The following PDE1C variants were observed in gnomAD, a reference collection of about 807,000 sequenced individuals.
PDE1C encodes the protein dual specificity calcium/calmodulin-dependent 3',5'-cyclic nucleotide phosphodiesterase 1C.
PDE1C carries 62 observed loss-of-function variants against 93.1 expected under a neutral mutation model. That is an observed-to-expected ratio of 0.67 (90% CI 0.54 to 0.82). PDE1C has a LOEUF of 0.82. Ranked by LOEUF, PDE1C falls within the 40% of genes least tolerant of loss-of-function variation. The probability of loss-of-function intolerance (pLI) is 0.00; values close to 1 mark genes in which losing one functional copy is unlikely to be tolerated. For missense variants in PDE1C, 742 were observed against 884.6 expected (o/e 0.84, Z 2.04); for synonymous variants, 325 against 310.1 (o/e 1.05, Z -0.50).
intron 3 of PDE1C, among the ~76,000 whole-genome samples, chr7:32,128,192 AT>A (rs1268618671): frequency 6.6e-6 from 1 of 151,714 alleles, no homozygotes; most frequent in African/African-American, 2.4e-5. Flanking sequence ...TGCCTATTGT[AT>A]GTAAGACACC....
intron 1 of PDE1C, among the ~76,000 whole-genome samples, chr7:32,367,261 A>G (rs1167449131): frequency 6.6e-6 from 1 of 152,214 alleles, no homozygotes; most frequent in African/African-American, 2.4e-5. Flanking sequence ...TAAAGCCAAT[A>G]CAGAAAGGAG....
the PDE1C span, among the ~76,000 whole-genome samples, chr7:31,622,188 C>G: frequency 3.8e-4 from 51 of 134,764 alleles, 1 homozygote; most frequent in East Asian, 0.011. Context: ...CAACATTAGA[C>G]AGATCAACGA....
intron 1 of PDE1C, among the ~76,000 whole-genome samples, chr7:32,238,247 A>C (rs1321603083): frequency 6.6e-6 from 1 of 152,236 alleles, no homozygotes; most frequent in Non-Finnish European, 1.5e-5. Context: ...CATCTTCTAC[A>C]ATGGCAATAC....
At chr7:32,146,192 C>T (rs1018088987) in intron 3 of PDE1C, among the ~76,000 whole-genome samples, 22 of 152,180 alleles carry the variant, frequency 1.4e-4, no homozygotes, top group African/African-American at 5.3e-4. Context: ...CTGTTAACAG[C>T]ACTCTCTCCA....
rs560014306 is a variant in PDE1C at position 32,296,406 on chromosome 7, T to C, written c.85+2245A>G. Among the ~76,000 whole-genome samples, 14 of 152,368 alleles carry C rather than the reference T, an allele frequency of 9.2e-5. No individual in the cohort carries two copies. The East Asian group carries it at 2.7e-3, about 29-fold the overall frequency. On this transcript the variant is annotated intron_variant, in intron 1 of 18. Transcript: ENST00000396193. ...AATTACAATTACCATTTATTGAATG[T>C]TTGCCGTGTGGCAGGCATTGTGCTA...
intron 1 of PDE1C, among the ~76,000 whole-genome samples, chr7:32,427,320 T>C (rs989962986): frequency 6.6e-6 from 1 of 152,154 alleles, no homozygotes; most frequent in Non-Finnish European, 1.5e-5. Flanking sequence ...AAGATCGCAA[T>C]GAAAGCAGCA....
the PDE1C span, among the ~76,000 whole-genome samples, chr7:31,733,524 G>C: frequency 6.6e-6 from 1 of 152,348 alleles, no homozygotes; most frequent in African/African-American, 2.4e-5. Context: ...CAAGTTTTCA[G>C]AAGCAGTAAG....
Position 32,147,272 on chromosome 7 carries a change from A to AAAAGAAAGAAAGAAACAAAG in PDE1C, c.308+22512_308+22513insCTTTGTTTCTTTCTTTCTTT, listed in dbSNP as rs1800920051. Among the ~76,000 whole-genome samples, 53 of 96,610 alleles carry AAAAGAAAGAAAGAAACAAAG rather than the reference A, an allele frequency of 5.5e-4. 4 individuals carry two copies. The highest frequency in any genetic ancestry group is 3.3e-4 in the Admixed American group (3 of 9,222). The allele number at this position is 96,610 out of a possible 152,430, so 63.4% of individuals were successfully genotyped here. A position where few individuals can be genotyped will look rare whatever the true frequency, so the allele number is the denominator to read the frequency against. On this transcript the variant is annotated intron_variant, in intron 3 of 18. Transcript: ENST00000396193. Reference sequence around the variant, plus strand: ...GAAAGAAAAGAAAGAAAGAAAGAAAAAAAGAAAGAAAGAAAGAAAGAAAGA... The same window carrying AAAAGAAAGAAAGAAACAAAG: ...GAAAGAAAAGAAAGAAAGAAAGAAAAAAAGAAAGAAAGAAACAAAGAAAGAAAGAAAGAAAGAAAGAAAGA...
intron 1 of PDE1C, among the ~76,000 whole-genome samples, chr7:32,423,376 C>CA (rs1349011491): frequency 1.3e-5 from 2 of 151,934 alleles, no homozygotes; most frequent in Admixed American, 6.6e-5. Flanking sequence ...GACCCTGTAT[C>CA]AAAAAACAAA....
intron 2 of PDE1C, among the ~76,000 whole-genome samples, chr7:31,965,665 C>T (rs1809811628): frequency 6.6e-6 from 1 of 152,074 alleles, no homozygotes; most frequent in Admixed American, 6.6e-5. Context: ...GTCAGATTCA[C>T]CAAAGATGAA....
Position 32,389,828 on chromosome 7 carries a change from C to T in PDE1C, c.310+37994G>A, listed in dbSNP as rs973933476. On this transcript the variant is annotated intron_variant, in intron 1 of 1. Coordinates refer to the PDE1C transcript ENST00000672256. ...TATCATATCTCCAATTTTAGGGATGCACAAATCAAGCCTCAAAATTTTTGA... is the reference window on the plus strand; with the variant it reads ...TATCATATCTCCAATTTTAGGGATGTACAAATCAAGCCTCAAAATTTTTGA... Among the ~76,000 whole-genome samples, 4 of 152,290 alleles carry T rather than the reference C, an allele frequency of 2.6e-5. No individual in the cohort carries two copies. The East Asian group carries it at 7.7e-4, about 29-fold the overall frequency.
intron 2 of PDE1C, among the ~76,000 whole-genome samples, chr7:31,936,074 G>T (rs1001601328): frequency 6.6e-6 from 1 of 152,174 alleles, no homozygotes; most frequent in East Asian, 1.9e-4. Context: ...TACTCCAAAA[G>T]TGACCATATT....
the PDE1C span, among the ~76,000 whole-genome samples, chr7:31,691,820 A>C: frequency 3.1e-4 from 47 of 151,260 alleles, 1 homozygote; most frequent in African/African-American, 1.1e-3. Context: ...AAAAAAAAAA[A>C]AACCAAGCAA....
At chr7:32,378,704 G>A (rs527622685) in intron 1 of PDE1C, among the ~76,000 whole-genome samples, 3 of 152,280 alleles carry the variant, frequency 2.0e-5, no homozygotes, top group South Asian at 4.1e-4. Context: ...CCATCCAGAA[G>A]TGCTTCAGCG....
rs1785053909 is a variant in PDE1C at position 32,406,479 on chromosome 7, C to T, written c.310+21343G>A. ...GCTACTGAAAGCTGGCTACAGAATT[C>T]CTCTTGTTCAGCAAAATATATTGAT... On this transcript the variant is annotated intron_variant, in intron 1 of 1. Transcript: ENST00000672256. Among the ~76,000 whole-genome samples the T allele has an allele frequency of 2.0e-5, 3 of 150,174 alleles. 1 individual carries two copies. The South Asian group carries it at 6.3e-4, about 31-fold the overall frequency.
At chr7:31,904,620 T>C (rs1209682938) in intron 2 of PDE1C, among the ~76,000 whole-genome samples, 1 of 151,914 alleles carries the variant, frequency 6.6e-6, no homozygotes, top group East Asian at 1.9e-4. Context: ...AGAACTTTTT[T>C]CCAGCATTTA....
chr7:32,081,387 C>T (rs1007195191), intron 3 of PDE1C, among the ~76,000 whole-genome samples: 4 of 152,188 alleles, frequency 2.6e-5, no homozygotes, highest in African/African-American at 4.8e-5. Flanking sequence ...TTTCCCTCCC[C>T]TACCTAGGCA....
intron 2 of PDE1C, among the ~76,000 whole-genome samples, chr7:31,959,050 A>C (rs1293866163): frequency 1.3e-5 from 2 of 152,186 alleles, no homozygotes; most frequent in Admixed American, 1.3e-4. Flanking sequence ...AGAGTCCCCA[A>C]AGCCTAATCA....
chr7:31,947,038 C>A (rs973342754), intron 2 of PDE1C, among the ~76,000 whole-genome samples: 1 of 152,186 alleles, frequency 6.6e-6, no homozygotes, highest in African/African-American at 2.4e-5. Flanking sequence ...GAAAATTCCT[C>A]TGGTGGTCTT....
Sources: allele counts gnomAD v4.1 joint callset (sites outside exome capture counted in the v4.1 genomes callset), GRCh38; gene constraint gnomAD v4.1.1; transcripts MANE v1.5; gene names NCBI Gene and HGNC (gene_info 2026-07-23, HGNC 2026-07-21).